CAMTA1: variants seen among roughly 807,000 people sequenced by gnomAD.
CAMTA1 encodes calmodulin-binding transcription activator 1.
A neutral mutation model predicts 170.9 loss-of-function variants in CAMTA1; 27 were observed. That is an observed-to-expected ratio of 0.16 (90% confidence interval 0.12 to 0.22). The LOEUF (loss-of-function observed/expected upper bound fraction) is 0.22. CAMTA1 is among the 10% of genes least tolerant of loss of function. The pLI is 1.00. For missense variants in CAMTA1, 1,619 were observed against 2,217.2 expected, an observed-to-expected ratio of 0.73 and a Z score of 5.42; for synonymous variants, 833 against 891.5, an observed-to-expected ratio of 0.93 and a Z score of 1.17.
At chr1:6,933,350 C>T (rs1046697398) in intron 3 of CAMTA1, among the ~76,000 whole-genome samples, 12 of 152,226 alleles carry the variant, frequency 7.9e-5, no homozygotes, top group African/African-American at 2.9e-4. Flanking sequence ...ACGTCCACCT[C>T]CCAGGTTCAA....
chr1:7,696,985 C>T (rs1035845138), intron 11 of CAMTA1, among the ~76,000 whole-genome samples: 6 of 152,150 alleles, frequency 3.9e-5, no homozygotes, highest in African/African-American at 7.2e-5. Context: ...GGGCCTAGGT[C>T]GTCTCACTCC....
intron 3 of CAMTA1, among the ~76,000 whole-genome samples, chr1:6,942,861 T>C (rs1158448002): frequency 6.6e-6 from 1 of 152,124 alleles, no homozygotes; most frequent in Non-Finnish European, 1.5e-5. Context: ...GTTTGCGTGT[T>C]TAAGGACTTC....
chr1:6,805,219 G>A (rs1644378604), intron 1 of CAMTA1, among the ~76,000 whole-genome samples: 2 of 152,280 alleles, frequency 1.3e-5, no homozygotes, highest in South Asian at 2.1e-4. Context: ...TATAGCCATT[G>A]TTGTAGATGG....
Position 7,699,186 on chromosome 1 carries a change from A to T in CAMTA1, c.2914+21453A>T, listed in dbSNP as rs181475107. On this transcript the variant is annotated intron_variant, in intron 11 of 22. Coordinates refer to ENST00000303635, the MANE Select transcript of CAMTA1 (RefSeq NM_015215.4). ...GTACAAAGTTTCTGAGTGTTTTCAC[A>T]GGGTTGTGCAGTCATCACCACAAAC... Among the ~76,000 whole-genome samples the T allele has an allele frequency of 1.1e-3, 168 of 152,294 alleles. 1 individual carries two copies. The highest frequency in any genetic ancestry group is 1.4e-3 in the Non-Finnish European group (98 of 68,026).
chr1:6,862,119 T>C (rs1471391094), intron 3 of CAMTA1, among the ~76,000 whole-genome samples: 3 of 152,118 alleles, frequency 2.0e-5, no homozygotes, highest in African/African-American at 7.2e-5. Context: ...TCTGCCACAA[T>C]GCCTGGCTAC....
chr1:7,125,603 G>A (rs1487763551), intron 4 of CAMTA1, among the ~76,000 whole-genome samples: 2 of 152,278 alleles, frequency 1.3e-5, no homozygotes, highest in African/African-American at 4.8e-5. Flanking sequence ...CCAGCCAGTG[G>A]GAAGGTGGAG....
intron 3 of CAMTA1, among the ~76,000 whole-genome samples, chr1:6,930,296 C>G (rs1288404908): frequency 6.6e-6 from 1 of 152,140 alleles, no homozygotes; most frequent in African/African-American, 2.4e-5. Context: ...TACCATGTTC[C>G]CACCATTGTA....
chr1:6,819,349 T>A (rs1216054299), intron 1 of CAMTA1, among the ~76,000 whole-genome samples: 2 of 152,174 alleles, frequency 1.3e-5, no homozygotes, highest in Non-Finnish European at 2.9e-5. Flanking sequence ...AGGTGAAATC[T>A]TTAATTTTAT....
intron 3 of CAMTA1, among the ~76,000 whole-genome samples, chr1:6,929,868 C>T (rs1314313152): frequency 6.6e-6 from 1 of 152,206 alleles, no homozygotes; most frequent in African/African-American, 2.4e-5. Context: ...CCTCTTCTCA[C>T]CTCTTGGAGG....
At chr1:7,670,819 C>T (rs72853807) in intron 9 of CAMTA1, 92 bp from the exon 10 acceptor site, 82,113 of 1,446,610 alleles carry the variant, frequency 0.057, 2,710 homozygotes, top group African/African-American at 0.11. Context: ...TACAGACCCC[C>T]ATCTGAGCAG....
At chr1:7,105,021 T>C (rs1226656960) in intron 4 of CAMTA1, among the ~76,000 whole-genome samples, 2 of 152,208 alleles carry the variant, frequency 1.3e-5, no homozygotes, top group Admixed American at 1.3e-4. Context: ...CATCAGTGTG[T>C]GTCTGGGAAT....
intron 7 of CAMTA1, among the ~76,000 whole-genome samples, chr1:7,654,754 T>TGCAC (rs2095870618): frequency 7.4e-6 from 1 of 135,232 alleles, no homozygotes; most frequent in African/African-American, 2.9e-5. Flanking sequence ...CACACACATA[T>TGCAC]ACAAACACAC....
At chr1:7,716,013 A>C (rs1200663627) in intron 11 of CAMTA1, among the ~76,000 whole-genome samples, 1 of 152,194 alleles carries the variant, frequency 6.6e-6, no homozygotes, top group African/African-American at 2.4e-5. Flanking sequence ...GTCTATGATG[A>C]ATTATAAAAT....
chr1:7,124,477 G>A (rs191490847), intron 4 of CAMTA1, among the ~76,000 whole-genome samples: 1 of 152,346 alleles, frequency 6.6e-6, no homozygotes, highest in East Asian at 1.9e-4. Flanking sequence ...TGCCAGGAAT[G>A]TCATGCGCCA....
chr1:7,278,029 G>A (rs1027162787), intron 5 of CAMTA1, among the ~76,000 whole-genome samples: 2 of 152,098 alleles, frequency 1.3e-5, no homozygotes, highest in Admixed American at 6.5e-5. Context: ...CTAGGTACCA[G>A]GCTTTTCATA....
At chr1:7,047,990 C>G (rs79547587) in intron 3 of CAMTA1, among the ~76,000 whole-genome samples, 2,596 of 152,254 alleles carry the variant, frequency 0.017, 79 homozygotes, top group African/African-American at 0.06. Flanking sequence ...CACCCTACCC[C>G]CTAGCTGATT....
chr1:6,888,572 CAGTT>C (rs1170500086), intron 3 of CAMTA1, among the ~76,000 whole-genome samples: 1 of 152,094 alleles, frequency 6.6e-6, no homozygotes, highest in African/African-American at 2.4e-5. Flanking sequence ...TAGTGGTTCT[CAGTT>C]ATTTAAGGTA....
intron 5 of CAMTA1, chr1:7,389,763 C>G (rs1023598393): frequency 6.5e-6 from 1 of 152,756 alleles, no homozygotes; most frequent in African/African-American, 2.4e-5. Flanking sequence ...AGTCCAAGCA[C>G]AGGGTCCCCA....
chr1:7,210,405 T>C (rs1294583012), intron 4 of CAMTA1, among the ~76,000 whole-genome samples: 1 of 152,152 alleles, frequency 6.6e-6, no homozygotes, highest in African/African-American at 2.4e-5. Flanking sequence ...AGAAGCGACA[T>C]TGGGTTGTTC....
Sources: gnomAD v4.1 joint callset for allele counts (sites outside exome capture counted in the v4.1 genomes callset) on GRCh38, gnomAD v4.1.1 for gene constraint, MANE v1.5 for transcripts, NCBI Gene and HGNC (gene_info 2026-07-23, HGNC 2026-07-21) for gene names.